Variants in SLC25A31 observed in about 807,000 individuals in gnomAD.
SLC25A31 encodes ADP/ATP translocase 4.
A neutral mutation model predicts 36.2 loss-of-function variants in SLC25A31; 40 were observed. The ratio of observed to expected loss-of-function variants is 1.10; its 90% CI spans 0.86 to 1.44. The LOEUF (loss-of-function observed/expected upper bound fraction) is 1.44, where lower values mean the gene tolerates loss of function less well. SLC25A31 is among the 40% of genes most tolerant of loss of function. The pLI, the probability that SLC25A31 is intolerant of heterozygous loss-of-function variation, is 0.00. For missense variants in SLC25A31, 350 were observed against 397.1 expected, an observed-to-expected ratio of 0.88 and a Z score of 1.01; for synonymous variants, 143 against 149.7, an observed-to-expected ratio of 0.96 and a Z score of 0.32.
chr4:127,767,484 C>T (rs966554132), intron 4 of SLC25A31, among the ~76,000 whole-genome samples: 3 of 152,076 alleles, frequency 2.0e-5, no homozygotes, highest in African/African-American at 4.8e-5. Context: ...ATGAAAAACA[C>T]GCTAATTAAG....
intron 1 of SLC25A31, among the ~76,000 whole-genome samples, chr4:127,738,987 G>A (rs1157478990): frequency 1.3e-5 from 2 of 152,054 alleles, no homozygotes; most frequent in Non-Finnish European, 1.5e-5. Context: ...TTGAGCCTGT[G>A]GGTGTCATTA....
intron 1 of SLC25A31, among the ~76,000 whole-genome samples, chr4:127,732,331 CA>C (rs1031225440): frequency 4.6e-5 from 7 of 152,148 alleles, no homozygotes; most frequent in African/African-American, 1.7e-4. Context: ...TATATGGGGT[CA>C]GGGGTAGAAA....
intron 1 of SLC25A31, among the ~76,000 whole-genome samples, chr4:127,736,897 A>C (rs1186413438): frequency 6.6e-6 from 1 of 152,254 alleles, no homozygotes; most frequent in Non-Finnish European, 1.5e-5. Flanking sequence ...TTATGCATAG[A>C]GTAGATTTTT....
chr4:127,740,284 C>T (rs1326067016), intron 1 of SLC25A31, among the ~76,000 whole-genome samples: 2 of 152,074 alleles, frequency 1.3e-5, no homozygotes, highest in Non-Finnish European at 2.9e-5. Flanking sequence ...TTTCCCCCTC[C>T]TCCCTTGGGG....
At chr4:127,753,442 T>C (rs531921557) in intron 2 of SLC25A31, among the ~76,000 whole-genome samples, 7 of 152,172 alleles carry the variant, frequency 4.6e-5, no homozygotes, top group African/African-American at 1.7e-4. Flanking sequence ...GGACTAAAAA[T>C]AAGTCTCATA....
At chr4:127,743,087 T>C (rs1456133263) in intron 1 of SLC25A31, among the ~76,000 whole-genome samples, 1 of 151,910 alleles carries the variant, frequency 6.6e-6, no homozygotes, top group Admixed American at 6.6e-5. Flanking sequence ...ATTTTAAGTC[T>C]TGGTTGGCTA....
chr4:127,743,242 TACTTCAG>T lies in SLC25A31; in HGVS notation c.233-1429_233-1423del, dbSNP rs34701702. Among the ~76,000 whole-genome samples, 1,093 of 151,622 alleles carry T rather than the reference TACTTCAG, an allele frequency of 7.2e-3. 13 individuals carry two copies. Among genetic ancestry groups the T allele is most frequent in the African/African-American group, 0.025 (1,054 of 41,398 alleles). On this transcript the variant is annotated intron_variant, in intron 1 of 5. Transcript: ENST00000281154. ...ACGTCCTCAGCTCAAGAAATCCTCC[TACTTCAG>T]CCTCCTGAGTAGTTGGAACTACAGG...
intron 1 of SLC25A31, among the ~76,000 whole-genome samples, chr4:127,735,896 A>AT (rs70966054): frequency 0.05 from 3,723 of 74,638 alleles, 273 homozygotes; most frequent in African/African-American, 0.15. Context: ...TTATTTATTT[A>AT]TTTTTTTTTT....
intron 2 of SLC25A31, among the ~76,000 whole-genome samples, chr4:127,763,954 C>T (rs1387157055): frequency 3.3e-5 from 5 of 152,014 alleles, no homozygotes; most frequent in African/African-American, 9.7e-5. Context: ...GATGATTATG[C>T]GACCTCTTTT....
At chr4:127,749,817 C>G (rs537703175) in intron 2 of SLC25A31, among the ~76,000 whole-genome samples, 1 of 151,892 alleles carries the variant, frequency 6.6e-6, no homozygotes, top group Admixed American at 6.6e-5. Context: ...GGGATGATTG[C>G]TTGAAGCCAG....
At chr4:127,742,993 A>G (rs1041102618) in intron 1 of SLC25A31, among the ~76,000 whole-genome samples, 4 of 151,992 alleles carry the variant, frequency 2.6e-5, no homozygotes, top group African/African-American at 9.7e-5. Flanking sequence ...AGCTTCATCT[A>G]TTATAATTTT....
At chr4:127,760,874 C>T (rs1295106620) in intron 2 of SLC25A31, among the ~76,000 whole-genome samples, 1 of 152,094 alleles carries the variant, frequency 6.6e-6, no homozygotes, top group Non-Finnish European at 1.5e-5. Context: ...CCCGTCTCTA[C>T]TAAAAATACA....
chr4:127,739,783 C>A (rs1391885424), intron 1 of SLC25A31, among the ~76,000 whole-genome samples: 1 of 151,800 alleles, frequency 6.6e-6, no homozygotes, highest in Non-Finnish European at 1.5e-5. Context: ...TATTAAAATT[C>A]TTTTTTCTGT....
chr4:127,730,435 C>G lies in SLC25A31; in HGVS notation c.-111C>G. ...GGCTCTCTCAGCGTCCCAAGAGCCA[C>G]TTTCTCGCCAGTACGATGCTGCAGC... On this transcript the variant is annotated 5_prime_UTR_variant, in exon 1 of 6. Coordinates refer to ENST00000281154, the MANE Select transcript of SLC25A31 (RefSeq NM_031291.4). 1 of 1,214,380 alleles carries G rather than the reference C, an allele frequency of 8.2e-7. No individual in the cohort carries two copies. Among genetic ancestry groups the G allele is most frequent in the Non-Finnish European group, 1.2e-6 (1 of 865,746 alleles). 75.2% of individuals were successfully genotyped at this position (1,214,380 alleles called of 1,614,324 possible).
rs535281748 is a variant in SLC25A31 at position 127,743,980 on chromosome 4, A to G, written c.233-692A>G. Among the ~76,000 whole-genome samples, 5 of 152,344 alleles carry G rather than the reference A, an allele frequency of 3.3e-5. No homozygotes were observed. The East Asian group carries it at 7.7e-4, about 23-fold the overall frequency. On this transcript the variant is annotated intron_variant, in intron 1 of 5. Transcript: ENST00000281154. The stretch of plus-strand genomic sequence containing the variant: ...AAACAACCAAGGCTATTGCAGAGCT[A>G]GCCTGCCATGCTCTAGGGCAGCTCT...
intron 2 of SLC25A31, among the ~76,000 whole-genome samples, chr4:127,755,379 G>A (rs1462265263): frequency 6.6e-6 from 1 of 151,982 alleles, no homozygotes; most frequent in Non-Finnish European, 1.5e-5. Flanking sequence ...CAAAATATTT[G>A]CCAAAAAAAA....
intron 1 of SLC25A31, among the ~76,000 whole-genome samples, chr4:127,733,769 T>C (rs1315116044): frequency 6.6e-6 from 1 of 152,186 alleles, no homozygotes; most frequent in Admixed American, 6.5e-5. Context: ...ATTCACAACT[T>C]TTCCTTTCTT....
In SLC25A31 at chr4:127,734,696, A is replaced by G. The variant is rs141707788; in HGVS notation, c.232+3919A>G. ...TTTTCCCAAACCCATTTTTCTGAAG[A>G]CTTAGAACAGTGAGGTTTTTTAATA... is the stretch of plus-strand genomic sequence containing the variant. On this transcript the variant is annotated intron_variant, in intron 1 of 5. Transcript: ENST00000281154. Among the ~76,000 whole-genome samples, 104 of 151,990 alleles carry G rather than the reference A, an allele frequency of 6.8e-4. 1 individual carries two copies. Among genetic ancestry groups the G allele is most frequent in the African/African-American group, 2.2e-3 (93 of 41,440 alleles).
At chr4:127,756,462 G>C (rs936990323) in intron 2 of SLC25A31, among the ~76,000 whole-genome samples, 3 of 152,136 alleles carry the variant, frequency 2.0e-5, no homozygotes, top group African/African-American at 7.2e-5. Context: ...GGTAGATGTT[G>C]CTCAAAGGGT....
Sources: allele counts gnomAD v4.1 joint callset (sites outside exome capture counted in the v4.1 genomes callset), GRCh38; gene constraint gnomAD v4.1.1; transcripts MANE v1.5; gene names NCBI Gene and HGNC (gene_info 2026-07-23, HGNC 2026-07-21).